Variants in ALG8 observed in about 807,000 individuals in gnomAD.
ALG8 encodes the protein ALG8 alpha-1,3-glucosyltransferase.
A neutral mutation model predicts 70.2 loss-of-function variants in ALG8; 48 were observed. That is an observed-to-expected ratio of 0.68 (90% CI 0.54 to 0.87). The LOEUF is 0.87. Ranked by LOEUF, ALG8 falls within the 40% of genes least tolerant of loss-of-function variation. The probability of loss-of-function intolerance (pLI) is 0.00; values close to 1 mark genes in which losing one functional copy is unlikely to be tolerated. For missense variants in ALG8, 572 were observed against 608.7 expected (o/e 0.94, Z 0.64); for synonymous variants, 234 against 229.0 (o/e 1.02, Z -0.20).
At chr11:78,111,759 T>G (rs768463723) in intron 8 of ALG8, among the ~76,000 whole-genome samples, 2 of 152,170 alleles carry the variant, frequency 1.3e-5, no homozygotes, top group African/African-American at 2.4e-5. Flanking sequence ...CAAGCTAGAT[T>G]GTATTCACAA....
At chr11:78,106,492 C>T (rs1183396077) in intron 10 of ALG8, among the ~76,000 whole-genome samples, 4 of 152,146 alleles carry the variant, frequency 2.6e-5, no homozygotes, top group Non-Finnish European at 4.4e-5. Context: ...CTACCGCGCC[C>T]GGCCAGCCCA....
intron 1 of ALG8, 86 bp from the exon 2 acceptor site, chr11:78,127,522 G>T: frequency 2.6e-6 from 3 of 1,172,286 alleles, no homozygotes; most frequent in South Asian, 1.3e-5. Flanking sequence ...TAAATGGACT[G>T]ACATTCCCTA....
chr11:78,118,637 A>C (rs1860686306), intron 5 of ALG8, among the ~76,000 whole-genome samples: 2 of 133,456 alleles, frequency 1.5e-5, no homozygotes, highest in South Asian at 2.4e-4. Flanking sequence ...AAAAAAAAAA[A>C]CAAAAGCAAA....
chr11:78,115,937 AC>A (rs1860542423), intron 5 of ALG8, among the ~76,000 whole-genome samples: 1 of 152,244 alleles, frequency 6.6e-6, no homozygotes, highest in Non-Finnish European at 1.5e-5. Flanking sequence ...ATGCTATGCT[AC>A]CAAAAAAATC....
intron 5 of ALG8, among the ~76,000 whole-genome samples, chr11:78,116,116 T>C (rs538703520): frequency 5.9e-5 from 9 of 152,142 alleles, no homozygotes; most frequent in Non-Finnish European, 1.0e-4. Context: ...TCCCAGCACT[T>C]TGGGAGACCG....
chr11:78,116,474 C>G lies in ALG8; in HGVS notation c.547-2082G>C, dbSNP rs184150078. Reference sequence around the variant, plus strand: ...GTGGCTGACACCTGTAATCCCAGCACTTTGAGAGGCTGAAGTGGGTGGATC... The same window carrying G: ...GTGGCTGACACCTGTAATCCCAGCAGTTTGAGAGGCTGAAGTGGGTGGATC... On this transcript the variant is annotated intron_variant, in intron 5 of 12. Coordinates refer to ENST00000299626, the MANE Select transcript of ALG8 (RefSeq NM_024079.5). Among the ~76,000 whole-genome samples, 574 of 152,220 alleles carry G rather than the reference C, an allele frequency of 3.8e-3. 2 individuals carry two copies. Among genetic ancestry groups the G allele is most frequent in the Non-Finnish European group, 6.0e-3 (409 of 68,016 alleles).
At chr11:78,130,322 A>G (rs973388970) in intron 1 of ALG8, among the ~76,000 whole-genome samples, 1 of 123,354 alleles carries the variant, frequency 8.1e-6, no homozygotes, top group East Asian at 2.7e-4. Context: ...GCACTCCAGC[A>G]TGGGAGACAG....
intron 1 of ALG8, chr11:78,138,979 AT>A (rs1276647934): frequency 2.9e-6 from 1 of 343,122 alleles, no homozygotes; most frequent in Non-Finnish European, 5.7e-6. Context: ...CACATCACTT[AT>A]TCTTTTTCAT....
intron 1 of ALG8, among the ~76,000 whole-genome samples, chr11:78,136,981 A>C (rs1164164688): frequency 6.6e-6 from 1 of 151,582 alleles, no homozygotes; most frequent in Non-Finnish European, 1.5e-5. Context: ...AGCTCACTGC[A>C]ACCTCCACCT....
intron 5 of ALG8, among the ~76,000 whole-genome samples, chr11:78,118,870 T>C (rs1174808904): frequency 6.6e-6 from 1 of 152,118 alleles, no homozygotes; most frequent in Admixed American, 6.6e-5. Context: ...TGAGCTGAGA[T>C]TGCACCACTG....
At position 78,138,062 on chromosome 11, in the gene ALG8, C is replaced by T. The variant is rs11237408; in HGVS notation, c.95+1432G>A. On this transcript the variant is annotated intron_variant, in intron 1 of 12. Transcript: ENST00000299626. ...AAGAGCAGTATTCAAAATAACAACT[C>T]TGGCCAGGCACGGTGGCTCATGCCT... is the stretch of plus-strand genomic sequence containing the variant. Among the ~76,000 whole-genome samples the T allele has an allele frequency of 2.3e-3, 343 of 152,206 alleles. 14 individuals carry two copies. The East Asian group carries it at 0.057, about 25-fold the overall frequency.
intron 1 of ALG8, among the ~76,000 whole-genome samples, chr11:78,131,433 A>G (rs1481944824): frequency 1.3e-5 from 2 of 152,114 alleles, no homozygotes; most frequent in Non-Finnish European, 2.9e-5. Flanking sequence ...TGAGACTCCC[A>G]TCTCTACAAA....
At chr11:78,134,638 TTTG>T (rs1323242852) in intron 1 of ALG8, among the ~76,000 whole-genome samples, 13 of 152,240 alleles carry the variant, frequency 8.5e-5, no homozygotes, top group Admixed American at 3.9e-4. Context: ...TTCTAAATCC[TTTG>T]TTGTCATTTC....
intron 9 of ALG8, among the ~76,000 whole-genome samples, chr11:78,107,942 C>T (rs1860119097): frequency 6.6e-6 from 1 of 151,074 alleles, no homozygotes; most frequent in South Asian, 2.1e-4. Flanking sequence ...GTCAGGAGTT[C>T]AAGACCAGCC....
At chr11:78,139,177 C>A in intron 1 of ALG8, 1 of 413,884 alleles carries the variant, frequency 2.4e-6, no homozygotes, top group Non-Finnish European at 4.5e-6. Flanking sequence ...CGGTACCTGG[C>A]ACCTCAGGCA....
intron 1 of ALG8, 86 bp downstream of exon 1, chr11:78,139,408 T>C (rs1861697748): frequency 1.5e-6 from 2 of 1,312,382 alleles, no homozygotes; most frequent in African/African-American, 2.9e-5. Flanking sequence ...TTTCTCTTCA[T>C]ACCCAGGGAT....
intron 8 of ALG8, among the ~76,000 whole-genome samples, chr11:78,109,892 T>A (rs1354534511): frequency 6.6e-6 from 1 of 152,218 alleles, no homozygotes; most frequent in Admixed American, 6.5e-5. Flanking sequence ...AGTCTGAGCA[T>A]GTCATGAAGG....
At chr11:78,125,460 A>T (rs1306847346) in intron 2 of ALG8, among the ~76,000 whole-genome samples, 1 of 151,428 alleles carries the variant, frequency 6.6e-6, no homozygotes, top group Admixed American at 6.6e-5. Context: ...CTTGCAAAAA[A>T]TTTGCCTTAA....
At chr11:78,101,339 A>AC in intron 12 of ALG8, 144 bp from the exon 13 acceptor site, 1 of 751,780 alleles carries the variant, frequency 1.3e-6, no homozygotes, top group Non-Finnish European at 2.2e-6. Context: ...ATTAAATTTC[A>AC]CATTTAGGGC....
Sources: allele counts gnomAD v4.1 joint callset (sites outside exome capture counted in the v4.1 genomes callset), GRCh38; gene constraint gnomAD v4.1.1; transcripts MANE v1.5; gene names NCBI Gene and HGNC (gene_info 2026-07-23, HGNC 2026-07-21).